Variants in PLEC observed in about 807,000 individuals in gnomAD.
The protein encoded by PLEC is plectin, also known as hemidesmosomal protein 1.
In PLEC, 216 loss-of-function variants were observed where a neutral mutation model predicts 392.8. The ratio of observed to expected loss-of-function variants is 0.55; its 90% CI spans 0.49 to 0.62. PLEC has a LOEUF of 0.62. Ranked by LOEUF, PLEC falls within the 20% of genes least tolerant of loss-of-function variation. The pLI, the probability that PLEC is intolerant of heterozygous loss-of-function variation, is 0.00. For missense variants in PLEC, 6,863 were observed against 6,563.4 expected (o/e 1.05, Z -1.58); for synonymous variants, 3,621 against 2,980.6 (o/e 1.21, Z -7.00).
intron 1 of PLEC, among the ~76,000 whole-genome samples, chr8:143,966,431 G>C (rs1447505463): frequency 1.1e-4 from 17 of 152,190 alleles, no homozygotes; most frequent in African/African-American, 4.1e-4. Flanking sequence ...TGCACCCAAG[G>C]CTAAGCGCTG....
chr8:143,937,344 C>T (rs782670912), intron 3 of PLEC, 102 bp from the exon 4 acceptor site: 7 of 857,922 alleles, frequency 8.2e-6, no homozygotes, highest in Non-Finnish European at 1.2e-5. Context: ...AGGGTCTTCC[C>T]CAGGGGGCAG....
Position 143,969,165 on chromosome 8 carries a change from C to T in PLEC, c.70+4238G>A, listed in dbSNP as rs566511469. Among the ~76,000 whole-genome samples the T allele has an allele frequency of 6.6e-5, 10 of 152,314 alleles. No homozygotes were observed. Among genetic ancestry groups the T allele is most frequent in the Non-Finnish European group, 1.2e-4 (8 of 68,032 alleles). ...AGTGGGCACTTCCACACCACGGAAC[C>T]GACTCCAGCGGGGGGAGGGTGAGGT... On this transcript the variant is annotated intron_variant, in intron 1 of 31. Coordinates refer to the PLEC transcript ENST00000356346. This position sits in a 1 kb window ranked among gnomAD's most constrained non-coding sequence, Gnocchi z 5.1.
At chr8:143,965,111 C>T (rs1833027086) in intron 1 of PLEC, among the ~76,000 whole-genome samples, 1 of 151,906 alleles carries the variant, frequency 6.6e-6, no homozygotes, top group African/African-American at 2.4e-5. Context: ...AGACTCACAC[C>T]AGCCACCCTG....
At position 143,968,668 on chromosome 8, in the gene PLEC, A is replaced by C. The variant is rs540255306; in HGVS notation, c.70+4735T>G. Among the ~76,000 whole-genome samples, 4 of 152,338 alleles carry C rather than the reference A, an allele frequency of 2.6e-5. No individual in the cohort carries two copies. The East Asian group carries it at 7.7e-4, about 29-fold the overall frequency. Reference sequence around the variant, plus strand: ...AACACTTACAACTCAAAAATACCAAAAGGTAAATTCTAAAATGGACAAAGG... The same window carrying C: ...AACACTTACAACTCAAAAATACCAACAGGTAAATTCTAAAATGGACAAAGG... On this transcript the variant is annotated intron_variant, in intron 1 of 31. Transcript: ENST00000356346.
In PLEC at chr8:143,934,701, C is replaced by A. The variant is rs1828492173; in HGVS notation, c.975G>T (p.Lys325Asn). Residue 325 changes from lysine to asparagine, a missense_variant, in exon 10 of 32, where the codon AAG becomes AAT. Lys to Asn is a moderately conservative substitution (Grantham distance 94, BLOSUM62 0). Transcript: ENST00000345136. ...CCTCCTTGGCTGGTAGCTCCATCTC[C>A]TTAAACTTCAGGAACTGAGACCACA... Reference protein sequence around the residue: ...EILWSQFLKFKEMELPAKEAD... With the variant: ...EILWSQFLKFNEMELPAKEAD... 6.2e-7 allele frequency: 1 copy of A among 1,612,890 alleles called. No individual in the cohort carries two copies. Among genetic ancestry groups the A allele is most frequent in the Non-Finnish European group, 8.5e-7 (1 of 1,179,956 alleles).
Position 143,922,999 on chromosome 8 carries a change from C to G in PLEC, c.6930G>C (p.Lys2310Asn). ...DLAQQRALAE[K>N]MLKEKMQAVQ... ...CCGCCTGCATCTTCTCCTTGAGCAT[C>G]TTCTCTGCCAAGGCCCGCTGCTGTG... Residue 2310 changes from lysine to asparagine, a missense_variant, in exon 31 of 32, where the codon AAG (lysine) becomes AAC (asparagine). Transcript: ENST00000345136. 1.2e-6 allele frequency: 2 copies of G among 1,612,124 alleles called. No homozygotes were observed. Among genetic ancestry groups the G allele is most frequent in the South Asian group, 1.1e-5 (1 of 90,898 alleles).
upstream of PLEC, chr8:143,939,678 C>A (rs880003373): frequency 1.4e-6 from 2 of 1,387,088 alleles, no homozygotes; most frequent in Non-Finnish European, 1.9e-6. Flanking sequence ...CCCAGGCCGC[C>A]GCCAGGGAGG....
upstream of PLEC, among the ~76,000 whole-genome samples, chr8:143,952,628 TC>T (rs1187908676): frequency 1.4e-5 from 2 of 146,482 alleles, no homozygotes; most frequent in Non-Finnish European, 3.0e-5. Flanking sequence ...CCTAACCTAA[TC>T]CCCCCCAGAT....
At position 143,932,471 on chromosome 8, in the gene PLEC, C is replaced by T. The variant is rs782672140; in HGVS notation, c.1906G>A (p.Glu636Lys). Reference sequence around the variant, plus strand: ...CAGTCGAAGCCCACCTCCTCCTCCTCCTTCTCATTCAGCCACATTAGCTCC... The same window carrying T: ...CAGTCGAAGCCCACCTCCTCCTCCTTCTTCTCATTCAGCCACATTAGCTCC... ...TKELMWLNEK[E>K]EEEVGFDWSD... is the part of the protein sequence containing the mutation. Residue 636 changes from glutamate (E) to lysine (K), a missense_variant, in exon 16 of 32, where the codon GAG becomes AAG. Glu to Lys is a moderately conservative substitution (Grantham distance 56). Coordinates refer to ENST00000345136, the MANE Select transcript of PLEC (RefSeq NM_201384.3). The T allele has an allele frequency of 2.5e-6, 4 of 1,612,626 alleles. No homozygotes were observed. Among genetic ancestry groups the T allele is most frequent in the Non-Finnish European group, 2.5e-6 (3 of 1,179,988 alleles).
At position 143,931,819 on chromosome 8, in the gene PLEC, G is replaced by C. The variant is rs548724402; in HGVS notation, c.2178+118C>G. 6.3e-5 allele frequency: 89 copies of C among 1,423,532 alleles called. 1 individual carries two copies. In the South Asian group the frequency reaches 1.0e-3, roughly 17 times the overall value. 88.2% of individuals were successfully genotyped at this position (1,423,532 alleles called of 1,614,324 possible). On this transcript the variant is annotated intron_variant, in intron 18 of 31. Transcript: ENST00000345136. ...TGTCCAAGGCCCCGGTCAGGCTGCA[G>C]GCAGCAGCTGGCAACGTCTGCAGAC...
intron 8 of PLEC, 26 bp from the exon 9 acceptor site, chr8:143,934,955 A>T (rs918394056): frequency 3.7e-6 from 6 of 1,610,242 alleles, no homozygotes; most frequent in African/African-American, 1.3e-5. Flanking sequence ...GGCGGCTGTC[A>T]GGGGTCGTCG....
intron 1 of PLEC, 95 bp downstream of exon 1, chr8:143,939,255 C>T (rs188436217): frequency 1.3e-6 from 2 of 1,497,120 alleles, no homozygotes; most frequent in African/African-American, 1.4e-5. Flanking sequence ...ACCAGCCCCC[C>T]AGCGGTGCCA....
chr8:143,971,459 C>T (rs1833426814), intron 1 of PLEC, among the ~76,000 whole-genome samples: 1 of 152,164 alleles, frequency 6.6e-6, no homozygotes, highest in Admixed American at 6.5e-5. Context: ...ACAGTCCCTC[C>T]ACCCCAGGGA....
rs781808857 is a variant in PLEC at position 143,921,757 on chromosome 8, C to G, written c.8064G>C (p.Val2688=). ...TGCTGCGGCCCTGCAGGTAGTGGCG[C>G]ACGTCTTCCCGCCGTGCGAGCTCGT... ...TVDELARRED[V]RHYLQGRSSI... is the part of the protein sequence containing the mutation. Residue 2688 remains valine, a synonymous_variant, in exon 32 of 32, where the codon GTG becomes GTC. Coordinates refer to ENST00000345136, the MANE Select transcript of PLEC (RefSeq NM_201384.3). 1 of 1,612,386 alleles carries G rather than the reference C, an allele frequency of 6.2e-7. No homozygotes were observed. Among genetic ancestry groups the G allele is most frequent in the Non-Finnish European group, 8.5e-7 (1 of 1,179,868 alleles).
chr8:143,921,188 C>T lies in PLEC; in HGVS notation c.8633G>A (p.Gly2878Asp), dbSNP rs781803407. 3.1e-6 allele frequency: 5 copies of T among 1,613,838 alleles called. No individual in the cohort carries two copies. The African/African-American group carries it at 4.0e-5, about 13-fold the overall frequency. Residue 2878 changes from glycine to aspartate, a missense_variant, in exon 32 of 32, where the codon GGC becomes GAC. Coordinates refer to ENST00000345136, the MANE Select transcript of PLEC (RefSeq NM_201384.3). ...ATCCGTGAGTGGCAGAAGGCACAGG[C>T]CCGTCTCGGGGTCCTCCACGCAGCG... ...LERCVEDPET[G>D]LCLLPLTDKA... is the part of the protein sequence containing the mutation.
rs782307935 is a variant in PLEC at position 143,930,273 on chromosome 8, C to T, written c.2483G>A (p.Cys828Tyr). The T allele has an allele frequency of 2.4e-5, 38 of 1,602,998 alleles. No individual in the cohort carries two copies. Among genetic ancestry groups the T allele is most frequent in the Non-Finnish European group, 3.2e-5 (38 of 1,178,736 alleles). The change falls in exon 21 of 32, where the codon TGC becomes TAC. Residue 828 changes from cysteine to tyrosine, a missense_variant. Transcript: ENST00000345136. ...VEVTVHKGDE[C>Y]QLVGPAQPSH... Reference sequence around the variant, plus strand: ...CGGCTGTGCAGGGCCCACCAGCTGGCACTCGTCACCCTTGTGCACAGTCAC... The same window carrying T: ...CGGCTGTGCAGGGCCCACCAGCTGGTACTCGTCACCCTTGTGCACAGTCAC...
In PLEC at chr8:143,924,444, C is replaced by T. The variant is rs782737426; in HGVS notation, c.5485G>A (p.Ala1829Thr). Residue 1829 changes from alanine (A) to threonine (T), a missense_variant, in exon 31 of 32, where the codon GCC becomes ACC. Physicochemically the swap from Ala to Thr is moderately conservative, Grantham distance 58. Coordinates refer to ENST00000345136, the MANE Select transcript of PLEC (RefSeq NM_201384.3). ...LAEEDAARQRAEAERVLAEKL... is the reference protein window; with the variant it reads ...LAEEDAARQRTEAERVLAEKL... ...TCCGCAAGCACCCGCTCCGCCTCGG[C>T]CCGCTGCCGCGCCGCGTCTTCCTCG... 2 of 1,566,194 alleles carry T rather than the reference C, an allele frequency of 1.3e-6. No homozygotes were observed. The highest frequency in any genetic ancestry group is 1.7e-6 in the Non-Finnish European group (2 of 1,164,884).
At chr8:143,956,781 T>C (rs529404490), upstream of PLEC, among the ~76,000 whole-genome samples, 1 of 152,268 alleles carries the variant, frequency 6.6e-6, no homozygotes, top group East Asian at 1.9e-4. Flanking sequence ...CAAGTTCCCA[T>C]GAAGGAGCCT....
In PLEC at chr8:143,931,869, C is replaced by T. The variant is rs1040215812; in HGVS notation, c.2178+68G>A. On this transcript the variant is annotated intron_variant, in intron 18 of 31. Transcript: ENST00000345136. ...CAGGAGGGCTCCTGATTGGAGCTGC[C>T]GAGGGGGTCCAGGGGCTCCTGCAAG... The T allele has an allele frequency of 2.5e-4, 372 of 1,467,752 alleles. 4 individuals are homozygous for T. In the East Asian group the frequency reaches 5.9e-3, roughly 23 times the overall value. The allele number at this position is 1,467,752 out of a possible 1,614,324, so 90.9% of individuals were successfully genotyped here. A position where few individuals can be genotyped will look rare whatever the true frequency, so the allele number is the denominator to read the frequency against.
Sources: allele counts gnomAD v4.1 joint callset (sites outside exome capture counted in the v4.1 genomes callset), GRCh38; gene constraint gnomAD v4.1.1; non-coding constraint Gnocchi (gnomAD v3.1); transcripts MANE v1.5; gene names NCBI Gene and HGNC (gene_info 2026-07-23, HGNC 2026-07-21).